CYP4F11: variants seen among roughly 807,000 people sequenced by gnomAD.
CYP4F11 encodes the protein cytochrome P450 4F11.
A neutral mutation model predicts 62.2 loss-of-function variants in CYP4F11; 79 were observed. The ratio of observed to expected loss-of-function variants is 1.27; its 90% CI spans 1.06 to 1.53. The LOEUF is 1.53. Among genes scored for constraint, CYP4F11 ranks in the 40% most tolerant of loss-of-function variants. CYP4F11 has a pLI of 0.00. For missense variants in CYP4F11, 777 were observed against 680.5 expected (o/e 1.14, Z -1.58); for synonymous variants, 290 against 263.7 (o/e 1.10, Z -0.97).
At chr19:15,924,937 C>T in intron 4 of CYP4F11, 55 bp from the exon 5 acceptor site, 2 of 1,560,322 alleles carry the variant, frequency 1.3e-6, no homozygotes, top group East Asian at 4.7e-5. Context: ...GGAGCACCTT[C>T]CCAGACCCAA....
At chr19:15,914,138 C>T (rs964600299) in intron 11 of CYP4F11, among the ~76,000 whole-genome samples, 167 bp downstream of exon 11, 6 of 152,102 alleles carry the variant, frequency 3.9e-5, no homozygotes, top group Non-Finnish European at 7.4e-5. Flanking sequence ...CTGAGCACAC[C>T]GCAGACCCCT....
At chr19:15,925,900 C>T (rs893177836) in intron 4 of CYP4F11, among the ~76,000 whole-genome samples, 2 of 151,858 alleles carry the variant, frequency 1.3e-5, no homozygotes, top group African/African-American at 4.8e-5. Flanking sequence ...TGCAGTGGCT[C>T]ATGCCTGTAA....
chr19:15,934,396 T>C lies in CYP4F11; in HGVS notation c.13A>G (p.Ser5Gly), dbSNP rs150219582. 70 of 1,613,022 alleles carry C rather than the reference T, an allele frequency of 4.3e-5. No individual in the cohort carries two copies. In the African/African-American group the frequency reaches 8.1e-4, roughly 19 times the overall value. The change falls in exon 1 of 12, where the codon AGC becomes GGC. Residue 5 changes from serine (S) to glycine (G), a missense_variant. Transcript: ENST00000402119. MPQL[S>G]LSWLGLGPVA... is the part of the protein sequence containing the mutation. ...GGCCCGAGGCCCAGCCAGGACAGGC[T>C]CAGCTGCGGCATCCTGCAGGGCAGA... is the stretch of plus-strand genomic sequence containing the variant.
At chr19:15,924,156 G>A (rs1286449594) in intron 5 of CYP4F11, 74 bp from the exon 6 acceptor site, 4 of 1,531,150 alleles carry the variant, frequency 2.6e-6, no homozygotes, top group East Asian at 2.3e-5. Flanking sequence ...AGAAGCTACT[G>A]CCCATCAGGA....
intron 10 of CYP4F11, 85 bp downstream of exon 10, chr19:15,914,517 T>C (rs1271031822): frequency 1.3e-6 from 2 of 1,571,532 alleles, no homozygotes; most frequent in Non-Finnish European, 1.7e-6. Flanking sequence ...AGAGGTGATG[T>C]TGGATTTTCC....
chr19:15,934,238 C>A lies in CYP4F11; in HGVS notation c.171G>T (p.Gln57His), dbSNP rs140733161. The A allele has an allele frequency of 1.2e-6, 2 of 1,613,746 alleles. No individual in the cohort carries two copies. The highest frequency in any genetic ancestry group is 1.7e-6 in the Non-Finnish European group (2 of 1,179,764). The change falls in exon 1 of 12, where the codon CAG (glutamine) becomes CAT (histidine). Residue 57 changes from glutamine to histidine, a missense_variant. Transcript: ENST00000402119. ...GGCCCTGGTGTCCCCAAAACCAGTT[C>A]TGTTTCGGGGGTTGAGGAAAACACT... is the stretch of plus-strand genomic sequence containing the variant. Reference protein sequence around the residue: ...RLQCFPQPPKQNWFWGHQGLV... With the variant: ...RLQCFPQPPKHNWFWGHQGLV...
chr19:15,930,094 T>C (rs534204230), intron 1 of CYP4F11, among the ~76,000 whole-genome samples: 1 of 119,034 alleles, frequency 8.4e-6, no homozygotes, highest in South Asian at 2.8e-4. Flanking sequence ...ATGCATGAGA[T>C]ATAAGCGGGA....
chr19:15,924,921 C>T, intron 4 of CYP4F11, 39 bp from the exon 5 acceptor site: 1 of 1,587,320 alleles, frequency 6.3e-7, no homozygotes, highest in South Asian at 1.1e-5. Flanking sequence ...TGGGAACTGC[C>T]TCCTGGGAGC....
chr19:15,922,807 A>C (rs2089638959), intron 6 of CYP4F11, among the ~76,000 whole-genome samples: 1 of 152,242 alleles, frequency 6.6e-6, no homozygotes, highest in East Asian at 1.9e-4. Flanking sequence ...TAATCCCAAC[A>C]CTTTGGAAGG....
chr19:15,924,313 A>G (rs11881793), intron 5 of CYP4F11, among the ~76,000 whole-genome samples: 82,244 of 151,948 alleles, frequency 0.54, 22,857 homozygotes, highest in Non-Finnish European at 0.6. Context: ...CCCACCCAGT[A>G]TCCAGCCTGC....
At chr19:15,923,687 G>T in intron 6 of CYP4F11, 125 bp downstream of exon 6, 1 of 1,335,622 alleles carries the variant, frequency 7.5e-7, no homozygotes, top group Non-Finnish European at 1.0e-6. Flanking sequence ...ACCTATCTCT[G>T]ACCTGTCTTT....
At position 15,927,312 on chromosome 19, in the gene CYP4F11, T is replaced by C. The variant is rs1185937554; in HGVS notation, c.425A>G (p.Asp142Gly). The change falls in exon 4 of 12, where the codon GAC becomes GGC. Residue 142 changes from aspartate (D) to glycine (G), a missense_variant. By Grantham distance (94) the Asp-to-Gly change is moderately conservative. Transcript: ENST00000402119. ...CATCCGACGGTGGCGGCTCCACTTG[T>C]CACCACCACTCAGCAGGAGCCCATC... Reference protein sequence around the residue: ...LGDGLLLSGGDKWSRHRRMLT... With the variant: ...LGDGLLLSGGGKWSRHRRMLT... 2 of 1,614,006 alleles carry C rather than the reference T, an allele frequency of 1.2e-6. No homozygotes were observed. The highest frequency in any genetic ancestry group is 2.7e-5 in the African/African-American group (2 of 74,894).
chr19:15,930,119 T>C (rs376967035), intron 1 of CYP4F11, among the ~76,000 whole-genome samples: 1,851 of 151,964 alleles, frequency 0.012, 45 homozygotes, highest in African/African-American at 0.043. Flanking sequence ...ATCCTGTCAA[T>C]TCAGTTTCTA....
intron 1 of CYP4F11, 52 bp downstream of exon 1, chr19:15,934,159 C>A (rs1010504303): frequency 3.9e-5 from 62 of 1,597,314 alleles, no homozygotes; most frequent in Middle Eastern, 1.7e-4. Flanking sequence ...TCCTGCCCCT[C>A]AGGAACTCCA....
chr19:15,917,141 G>A (rs1020918392), intron 8 of CYP4F11, among the ~76,000 whole-genome samples: 1 of 152,142 alleles, frequency 6.6e-6, no homozygotes, highest in African/African-American at 2.4e-5. Flanking sequence ...ATGGAGCTGG[G>A]ACCATTATTC....
chr19:15,930,056 G>T (rs927726337), intron 1 of CYP4F11, among the ~76,000 whole-genome samples: 28 of 149,722 alleles, frequency 1.9e-4, no homozygotes, highest in Non-Finnish European at 3.4e-4. Flanking sequence ...TCTCTCTCAC[G>T]CTCTCTCTCT....
In CYP4F11 at chr19:15,912,761, G is replaced by GTATATA. The variant is rs71178627; in HGVS notation, c.*970_*971insTATATA. 0.043 allele frequency: 1,631 copies of GTATATA among 38,158 alleles called. 177 individuals carry two copies. The highest frequency in any genetic ancestry group is 0.16 in the African/African-American group (1,531 of 9,784). 2.4% of individuals were successfully genotyped at this position (38,158 alleles called of 1,614,324 possible). On this transcript the variant is annotated 3_prime_UTR_variant, in exon 12 of 12. Coordinates refer to ENST00000402119, the MANE Select transcript of CYP4F11 (RefSeq NM_021187.4). Reference sequence around the variant, plus strand: ...TATGTATATATGTGTGTGTGTGTGTGTGTGTGTGTGTATATATATATATAT... The same window carrying GTATATA: ...TATGTATATATGTGTGTGTGTGTGTGTATATATGTGTGTGTGTATATATATATATAT...
In CYP4F11 at chr19:15,929,551, T is replaced by A; in HGVS notation, c.249A>T (p.Thr83=). The change falls in exon 2 of 12, where the codon ACA becomes ACT. Residue 83 remains threonine (T), a synonymous_variant. Transcript: ENST00000402119. The part of the protein sequence containing the change: ...GMKTLTQLVT[T]YPQGFKLWLG... ...GCCACAACTTAAAGCCCTGGGGATA[T>A]GTGGTCACCAGCTGGGTCAATGTCT... The A allele has an allele frequency of 6.2e-7, 1 of 1,613,770 alleles. No individual in the cohort carries two copies. Among genetic ancestry groups the A allele is most frequent in the Non-Finnish European group, 8.5e-7 (1 of 1,179,816 alleles).
chr19:15,912,431 A>T lies in CYP4F11; in HGVS notation c.*1301T>A, dbSNP rs188081579. On this transcript the variant is annotated 3_prime_UTR_variant, in exon 12 of 12. Transcript: ENST00000402119. The stretch of plus-strand genomic sequence containing the variant: ...GTGCAAAGGCAATACGATGGTCCCA[A>T]ATAAAAAATATAATGTATTTGGAGA... 3.3e-5 allele frequency: 5 copies of T among 152,106 alleles called. No individual in the cohort carries two copies. The highest frequency in any genetic ancestry group is 2.1e-4 in the South Asian group (1 of 4,822). The allele number at this position is 152,106 out of a possible 1,614,324, so 9.4% of individuals were successfully genotyped here.
Sources: gnomAD v4.1 joint callset for allele counts (sites outside exome capture counted in the v4.1 genomes callset) on GRCh38, gnomAD v4.1.1 for gene constraint, MANE v1.5 for transcripts, NCBI Gene and HGNC (gene_info 2026-07-23, HGNC 2026-07-21) for gene names.